Variants in LYRM4 observed in about 807,000 individuals in gnomAD.
LYRM4 encodes LYR motif-containing protein 4.
A neutral mutation model predicts 11.7 loss-of-function variants in LYRM4; 9 were observed. The observed-to-expected ratio is 0.77, with a 90% CI of 0.46 to 1.34. The LOEUF is 1.34. Ranked by LOEUF, LYRM4 falls within the 40% of genes most tolerant of loss-of-function variation. The pLI is 0.00. For missense variants in LYRM4, 133 were observed against 112.5 expected (o/e 1.18, Z -0.82); for synonymous variants, 42 against 40.4 (o/e 1.04, Z -0.15).
chr6:5,142,878 ATCCCCAGCCATG>A (rs1757482815), intron 2 of LYRM4, among the ~76,000 whole-genome samples: 1 of 152,224 alleles, frequency 6.6e-6, no homozygotes. Context: ...GAGCGCAGCC[ATCCCCAGCCATG>A]GACCCTTGGC....
intron 1 of LYRM4, among the ~76,000 whole-genome samples, 155 bp downstream of exon 1, chr6:5,260,493 G>C (rs1764986030): frequency 2.6e-5 from 4 of 152,216 alleles, no homozygotes; most frequent in Non-Finnish European, 5.9e-5. Flanking sequence ...CTGTAGGCAG[G>C]AGCACGCTTT....
chr6:5,146,274 A>T (rs1467107098), intron 2 of LYRM4, among the ~76,000 whole-genome samples: 1 of 152,178 alleles, frequency 6.6e-6, no homozygotes, highest in Non-Finnish European at 1.5e-5. Flanking sequence ...TCCCTTATTG[A>T]TGCCCTGTCC....
chr6:5,212,379 C>G (rs541064590), intron 2 of LYRM4, among the ~76,000 whole-genome samples: 4 of 152,294 alleles, frequency 2.6e-5, no homozygotes, highest in African/African-American at 9.6e-5. Flanking sequence ...TGATGTAAAA[C>G]ACCTACGAAG....
chr6:5,111,155 T>C (rs1762863412), intron 2 of LYRM4, among the ~76,000 whole-genome samples: 1 of 151,984 alleles, frequency 6.6e-6, no homozygotes, highest in Admixed American at 6.5e-5. Context: ...CCTCAACAGA[T>C]AGATGAACCC....
chr6:5,212,064 C>T (rs1292538892), intron 2 of LYRM4, among the ~76,000 whole-genome samples: 1 of 152,234 alleles, frequency 6.6e-6, no homozygotes, highest in Non-Finnish European at 1.5e-5. Context: ...AACACTAAAT[C>T]TCTATGAACT....
the LYRM4 span, chr6:5,088,850 C>T: frequency 6.6e-6 from 1 of 152,216 alleles, no homozygotes; most frequent in Non-Finnish European, 1.5e-5. Context: ...GGGAATCTAC[C>T]TGTTGCCTTC....
At position 5,250,625 on chromosome 6, in the gene LYRM4, G is replaced by A. The variant is rs1764383411; in HGVS notation, c.86+10023C>T. Among the ~76,000 whole-genome samples, 3 of 152,168 alleles carry A rather than the reference G, an allele frequency of 2.0e-5. No homozygotes were observed. In the South Asian group the frequency reaches 6.2e-4, roughly 31 times the overall value. ...AGGCACACATGAATCACCTCTAGTTGCCTGTGGAGCATTGTTGAAGAGGTC... is the reference window on the plus strand; with the variant it reads ...AGGCACACATGAATCACCTCTAGTTACCTGTGGAGCATTGTTGAAGAGGTC... On this transcript the variant is annotated intron_variant, in intron 1 of 2. Transcript: ENST00000330636.
At chr6:5,123,329 G>A (rs1271685160) in intron 2 of LYRM4, among the ~76,000 whole-genome samples, 3 of 152,198 alleles carry the variant, frequency 2.0e-5, no homozygotes, top group African/African-American at 7.2e-5. Flanking sequence ...GAGAACAGAG[G>A]GTGGGACATG....
chr6:5,081,366 T>C, the LYRM4 span, among the ~76,000 whole-genome samples: 1 of 152,196 alleles, frequency 6.6e-6, no homozygotes, highest in African/African-American at 2.4e-5. Flanking sequence ...CCATTGTTTC[T>C]GCACCTTTCA....
intron 2 of LYRM4, among the ~76,000 whole-genome samples, chr6:5,204,726 G>A (rs980383242): frequency 4.6e-5 from 7 of 151,950 alleles, no homozygotes; most frequent in Admixed American, 2.0e-4. Flanking sequence ...AGATCCTCCC[G>A]TGACTTGTGT....
At chr6:5,067,307 G>A in the LYRM4 span, among the ~76,000 whole-genome samples, 1 of 152,346 alleles carries the variant, frequency 6.6e-6, no homozygotes, top group Non-Finnish European at 1.5e-5. Flanking sequence ...CAATTGTGCA[G>A]CTTTTGAGGG....
rs1762763150 is a variant in LYRM4, at chr6:5,109,136, T to C, written c.*287A>G. On this transcript the variant is annotated 3_prime_UTR_variant, in exon 3 of 3. Transcript: ENST00000330636. ...CAAAGTGTAGAAATGCTATACACAA[T>C]GGTCATGAGCTACAAGGTAGGAATG... 3 of 1,250,422 alleles carry C rather than the reference T, an allele frequency of 2.4e-6. No individual in the cohort carries two copies. The highest frequency in any genetic ancestry group is 3.2e-4 in the Middle Eastern group (1 of 3,120). The allele number at this position is 1,250,422 out of a possible 1,614,324, so 77.5% of individuals were successfully genotyped here.
At chr6:5,253,880 C>G (rs943729765) in intron 1 of LYRM4, among the ~76,000 whole-genome samples, 2 of 150,742 alleles carry the variant, frequency 1.3e-5, no homozygotes, top group South Asian at 2.1e-4. Context: ...TTCTCTTATT[C>G]CATGCAACAA....
chr6:5,113,890 G>A (rs1763000609), intron 2 of LYRM4, among the ~76,000 whole-genome samples: 1 of 152,116 alleles, frequency 6.6e-6, no homozygotes, highest in Non-Finnish European at 1.5e-5. Flanking sequence ...TTCATAATGC[G>A]AATTACACAT....
chr6:5,260,718 G>T lies in LYRM4; in HGVS notation c.16C>A (p.Arg6Ser). The T allele has an allele frequency of 6.4e-7, 1 of 1,551,440 alleles. No homozygotes were observed. Among genetic ancestry groups the T allele is most frequent in the South Asian group, 1.2e-5 (1 of 84,532 alleles). Reference protein sequence around the residue: MAASSRAQVLSLYRAM... With the variant: MAASSSAQVLSLYRAM... The stretch of plus-strand genomic sequence containing the variant: ...CGGTACAGAGATAACACTTGTGCGC[G>T]ACTGGAGGCTGCCATTTTGGAAAGA... Residue 6 changes from arginine (R) to serine (S), a missense_variant, in exon 1 of 3, where the codon CGC (arginine) becomes AGC (serine). By Grantham distance (110) the Arg-to-Ser change is moderately radical (BLOSUM62 -1). Transcript: ENST00000330636.
intron 2 of LYRM4, among the ~76,000 whole-genome samples, chr6:5,169,571 GAAT>G (rs1759295898): frequency 6.6e-6 from 1 of 152,070 alleles, no homozygotes; most frequent in South Asian, 2.1e-4. Context: ...TTATAAATAT[GAAT>G]AATGAGAATG....
At chr6:5,226,132 G>A (rs553390666) in intron 1 of LYRM4, among the ~76,000 whole-genome samples, 1 of 152,254 alleles carries the variant, frequency 6.6e-6, no homozygotes, top group East Asian at 1.9e-4. Flanking sequence ...TTGTGATGTA[G>A]AAATGTTCAC....
chr6:5,143,821 G>A (rs1272922531), intron 2 of LYRM4, among the ~76,000 whole-genome samples: 6 of 152,236 alleles, frequency 3.9e-5, no homozygotes, highest in African/African-American at 1.2e-4. Flanking sequence ...TGGCGACAGA[G>A]GCCTTTGTGA....
At chr6:5,079,088 C>T in the LYRM4 span, among the ~76,000 whole-genome samples, 5 of 152,092 alleles carry the variant, frequency 3.3e-5, no homozygotes, top group Admixed American at 6.5e-5. Context: ...TTACTTAATA[C>T]GAATATTTCT....
Sources: allele counts gnomAD v4.1 joint callset (sites outside exome capture counted in the v4.1 genomes callset), GRCh38; gene constraint gnomAD v4.1.1; transcripts MANE v1.5; gene names NCBI Gene and HGNC (gene_info 2026-07-23, HGNC 2026-07-21).